The following FOXJ3 variants were observed in gnomAD, a reference collection of about 807,000 sequenced individuals.
FOXJ3 encodes forkhead box protein J3.
A neutral mutation model predicts 76.1 loss-of-function variants in FOXJ3; 22 were observed. That is an observed-to-expected ratio of 0.29 (90% CI 0.21 to 0.41). The LOEUF is 0.41. Among genes scored for constraint, FOXJ3 ranks in the 10% least tolerant of loss-of-function variants. The probability of loss-of-function intolerance (pLI) is 1.00; values close to 1 mark genes in which losing one functional copy is unlikely to be tolerated. For synonymous variants in FOXJ3, 269 were observed against 261.2 expected (o/e 1.03, Z -0.29); for missense variants, 613 against 762.1 (o/e 0.80, Z 2.30).
chr1:42,249,423 G>C (rs1021081334), intron 4 of FOXJ3, among the ~76,000 whole-genome samples: 1 of 152,118 alleles, frequency 6.6e-6, no homozygotes, highest in East Asian at 1.9e-4. Context: ...GAACTCAAAG[G>C]ATTCTCCCAA....
chr1:42,321,137 C>A (rs763210193), intron 1 of FOXJ3, among the ~76,000 whole-genome samples: 4 of 152,132 alleles, frequency 2.6e-5, no homozygotes, highest in Non-Finnish European at 5.9e-5. Context: ...ACTTTATAAT[C>A]ATTTATATCC....
At chr1:42,197,358 A>T (rs1002851289) in intron 7 of FOXJ3, among the ~76,000 whole-genome samples, 18 of 152,198 alleles carry the variant, frequency 1.2e-4, no homozygotes, top group Middle Eastern at 3.4e-3. Flanking sequence ...AGAGAAAAAA[A>T]GGGGGGGAGG....
At position 42,257,165 on chromosome 1, in the gene FOXJ3, C is replaced by T. The variant is rs1270395823; in HGVS notation, c.444+7950G>A. On this transcript the variant is annotated intron_variant, in intron 4 of 12. Transcript: ENST00000361346. ...TTATATCAACAATTCTAGTACAACA[C>T]AGTAATGTCCTTTCTGACGGAAAAG... Among the ~76,000 whole-genome samples the T allele has an allele frequency of 3.3e-5, 5 of 152,180 alleles. No homozygotes were observed. The South Asian group carries it at 8.3e-4, about 25-fold the overall frequency.
chr1:42,188,856 C>G lies in FOXJ3; in HGVS notation c.1526G>C (p.Cys509Ser), dbSNP rs770462647. Residue 509 changes from cysteine (C) to serine (S), a missense_variant, in exon 11 of 13, where the codon TGT becomes TCT. Transcript: ENST00000361346. ...TGTAAAGAACTGATTAAGAGAAGAA[C>G]AAAGATCGGCAAACTGAACCTGGTC... ...SLDQVQFADL[C>S]SSLNQFFTQT... is the part of the protein sequence containing the mutation. The G allele has an allele frequency of 3.7e-6, 6 of 1,613,280 alleles. No homozygotes were observed. The highest frequency in any genetic ancestry group is 5.1e-6 in the Non-Finnish European group (6 of 1,179,442).
chr1:42,262,382 C>T (rs1345850993), intron 4 of FOXJ3, among the ~76,000 whole-genome samples: 1 of 152,104 alleles, frequency 6.6e-6, no homozygotes, highest in Non-Finnish European at 1.5e-5. Context: ...ATGAAATGGG[C>T]TTGAGCTGAA....
chr1:42,219,595 T>C (rs894890082), intron 5 of FOXJ3, among the ~76,000 whole-genome samples: 12 of 152,108 alleles, frequency 7.9e-5, no homozygotes, highest in African/African-American at 2.4e-4. Flanking sequence ...CATGGAAAAA[T>C]AGTAACCTAA....
At chr1:42,300,121 A>T (rs1472536476) in intron 2 of FOXJ3, among the ~76,000 whole-genome samples, 1 of 151,898 alleles carries the variant, frequency 6.6e-6, no homozygotes, top group Non-Finnish European at 1.5e-5. Flanking sequence ...CATCACTTGT[A>T]CCCGGGAGGC....
At chr1:42,237,760 C>T (rs1302265109) in intron 4 of FOXJ3, among the ~76,000 whole-genome samples, 1 of 151,776 alleles carries the variant, frequency 6.6e-6, no homozygotes, top group African/African-American at 2.4e-5. Context: ...GTCTTAACTT[C>T]CATGTTTAGG....
At chr1:42,215,198 G>A (rs919230161) in intron 5 of FOXJ3, among the ~76,000 whole-genome samples, 3 of 151,642 alleles carry the variant, frequency 2.0e-5, no homozygotes, top group African/African-American at 7.3e-5. Context: ...TATGAGACAA[G>A]GATTTTAAAA....
At chr1:42,248,597 T>G (rs1397577780) in intron 4 of FOXJ3, among the ~76,000 whole-genome samples, 1 of 151,882 alleles carries the variant, frequency 6.6e-6, no homozygotes, top group East Asian at 1.9e-4. Context: ...AAAAAACATT[T>G]TTTTGATCTA....
At chr1:42,196,297 C>T (rs1431416985) in intron 7 of FOXJ3, among the ~76,000 whole-genome samples, 3 of 152,160 alleles carry the variant, frequency 2.0e-5, no homozygotes, top group African/African-American at 4.8e-5. Flanking sequence ...CTCATTGTGG[C>T]CTTACAGGAT....
At chr1:42,315,334 T>A (rs1489734690) in intron 1 of FOXJ3, 3 of 673,882 alleles carry the variant, frequency 4.5e-6, no homozygotes, top group Non-Finnish European at 5.5e-6. Context: ...CTTCACAGTA[T>A]GTGATTTTTA....
Position 42,331,901 on chromosome 1 carries a change from T to A in FOXJ3, c.-18+3158A>T, listed in dbSNP as rs151133608. Among the ~76,000 whole-genome samples the A allele has an allele frequency of 2.6e-5, 4 of 151,964 alleles. 1 individual carries two copies. Among genetic ancestry groups the A allele is most frequent in the African/African-American group, 9.6e-5 (4 of 41,454 alleles). On this transcript the variant is annotated intron_variant, in intron 1 of 12. Transcript: ENST00000361346. ...AAAATCACTGGCTTTGGAACATAAG[T>A]TTGTTTCTTTTTTTAAGGAAATACT...
At chr1:42,267,601 AC>A (rs1651563791) in intron 3 of FOXJ3, among the ~76,000 whole-genome samples, 1 of 152,106 alleles carries the variant, frequency 6.6e-6, no homozygotes, top group Non-Finnish European at 1.5e-5. Context: ...AGGAAAACTT[AC>A]TGCCAAGAGA....
rs187909984 is a variant in FOXJ3 at position 42,289,401 on chromosome 1, T to C, written c.45-10729A>G. On this transcript the variant is annotated intron_variant, in intron 2 of 12. Coordinates refer to ENST00000361346, the MANE Select transcript of FOXJ3 (RefSeq NM_014947.5). ...TCTGAGGAATAAATGACAAGATACA[T>C]GTGGAATATTTAGCATACAGTGAAT... Among the ~76,000 whole-genome samples, 713 of 152,236 alleles carry C rather than the reference T, an allele frequency of 4.7e-3. 4 individuals carry two copies. Among genetic ancestry groups the C allele is most frequent in the African/African-American group, 0.016 (684 of 41,572 alleles).
At chr1:42,300,404 C>G (rs1654062230) in intron 2 of FOXJ3, among the ~76,000 whole-genome samples, 1 of 152,124 alleles carries the variant, frequency 6.6e-6, no homozygotes, top group Admixed American at 6.5e-5. Context: ...ATGATGAATT[C>G]CCTTCACACT....
intron 2 of FOXJ3, among the ~76,000 whole-genome samples, chr1:42,279,472 T>C (rs933661014): frequency 1.3e-5 from 2 of 152,168 alleles, no homozygotes; most frequent in African/African-American, 4.8e-5. Context: ...CATTAAAAAC[T>C]AAAAGACAGG....
intron 11 of FOXJ3, among the ~76,000 whole-genome samples, chr1:42,185,935 A>C (rs1557617524): frequency 6.6e-6 from 1 of 152,138 alleles, no homozygotes; most frequent in Non-Finnish European, 1.5e-5. Context: ...GTTTAAGGAA[A>C]TGGAGAGACT....
chr1:42,231,683 ATTTT>A (rs1003092557), intron 4 of FOXJ3, among the ~76,000 whole-genome samples: 1 of 151,910 alleles, frequency 6.6e-6, no homozygotes, highest in Non-Finnish European at 1.5e-5. Context: ...TTCTATTTTT[ATTTT>A]TTTTAAATAC....
Sources: allele counts gnomAD v4.1 joint callset (sites outside exome capture counted in the v4.1 genomes callset), GRCh38; gene constraint gnomAD v4.1.1; transcripts MANE v1.5; gene names NCBI Gene and HGNC (gene_info 2026-07-23, HGNC 2026-07-21).